SH3RF1: variants seen among roughly 807,000 people sequenced by gnomAD.
The protein encoded by SH3RF1 is SH3 domain containing ring finger 1.
A neutral mutation model predicts 74.0 loss-of-function variants in SH3RF1; 32 were observed. The ratio of observed to expected loss-of-function variants is 0.43; its 90% CI spans 0.33 to 0.58. The LOEUF (loss-of-function observed/expected upper bound fraction) is 0.58, where lower values mean the gene tolerates loss of function less well. Ranked by LOEUF, SH3RF1 falls within the 20% of genes least tolerant of loss-of-function variation. The pLI is 0.05. For missense variants in SH3RF1, 954 were observed against 1,130.9 expected, an observed-to-expected ratio of 0.84 and a Z score of 2.24; for synonymous variants, 396 against 439.6, an observed-to-expected ratio of 0.90 and a Z score of 1.24.
At chr4:169,240,514 T>C (rs1442952643) in intron 2 of SH3RF1, among the ~76,000 whole-genome samples, 1 of 152,146 alleles carries the variant, frequency 6.6e-6, no homozygotes, top group African/African-American at 2.4e-5. Flanking sequence ...CACTTAATTA[T>C]TTAAGAAAGC....
intron 4 of SH3RF1, among the ~76,000 whole-genome samples, chr4:169,146,962 G>C (rs1214485747): frequency 1.3e-5 from 2 of 152,152 alleles, no homozygotes; most frequent in Non-Finnish European, 2.9e-5. Context: ...TCCCAACTGT[G>C]AACAGTGAAT....
At chr4:169,165,162 C>T (rs926285463) in intron 2 of SH3RF1, among the ~76,000 whole-genome samples, 4 of 152,152 alleles carry the variant, frequency 2.6e-5, no homozygotes, top group Admixed American at 6.5e-5. Context: ...CAAGTTTCTA[C>T]CTATTTGAAA....
chr4:169,200,462 T>A (rs1734890926), intron 2 of SH3RF1, among the ~76,000 whole-genome samples: 1 of 151,932 alleles, frequency 6.6e-6, no homozygotes, highest in African/African-American at 2.4e-5. Context: ...AAATAACCCA[T>A]GAGTCAAAGT....
At chr4:169,180,608 C>T (rs935119590) in intron 2 of SH3RF1, among the ~76,000 whole-genome samples, 1 of 152,124 alleles carries the variant, frequency 6.6e-6, no homozygotes, top group African/African-American at 2.4e-5. Context: ...GTTCCCCTAC[C>T]CGCTTGTTTT....
intron 2 of SH3RF1, among the ~76,000 whole-genome samples, chr4:169,191,747 T>C (rs1009996188): frequency 1.3e-5 from 2 of 151,962 alleles, no homozygotes; most frequent in African/African-American, 4.8e-5. Context: ...CAAATCCTTA[T>C]AGCCAACTGA....
At chr4:169,110,026 CAA>C (rs5863981) in intron 10 of SH3RF1, among the ~76,000 whole-genome samples, 26,296 of 107,222 alleles carry the variant, frequency 0.25, 2,518 homozygotes, top group South Asian at 0.29. Flanking sequence ...CAAAACAATA[CAA>C]AAAAAAAAAA....
At chr4:169,207,455 G>C (rs1162752381) in intron 2 of SH3RF1, among the ~76,000 whole-genome samples, 1 of 152,128 alleles carries the variant, frequency 6.6e-6, no homozygotes, top group African/African-American at 2.4e-5. Context: ...AAAGAGAAAT[G>C]AGATCTAATT....
chr4:169,143,197 G>T lies in SH3RF1; in HGVS notation c.766-6577C>A, dbSNP rs559076565. Among the ~76,000 whole-genome samples the T allele has an allele frequency of 7.2e-5, 11 of 152,308 alleles. 1 individual carries two copies. The East Asian group carries it at 1.9e-3, about 27-fold the overall frequency. ...TAATATGAGCCACACTTGGAATTTA[G>T]ATTTTTTGGTAGCCACATTTTAAAA... On this transcript the variant is annotated intron_variant, in intron 4 of 11. Transcript: ENST00000284637.
At chr4:169,204,103 A>C (rs1408376375) in intron 2 of SH3RF1, 1 of 152,208 alleles carries the variant, frequency 6.6e-6, no homozygotes, top group African/African-American at 2.4e-5. Flanking sequence ...AAAAGAACTC[A>C]AGGGTAAGTA....
At chr4:169,204,088 G>A (rs1350763248) in intron 2 of SH3RF1, 1 of 152,064 alleles carries the variant, frequency 6.6e-6, no homozygotes, top group Non-Finnish European at 1.5e-5. Context: ...TTTAAACTTT[G>A]AGGAAAAAGA....
intron 8 of SH3RF1, 95 bp from the exon 9 acceptor site, chr4:169,117,877 C>T (rs1733364429): frequency 1.4e-6 from 2 of 1,393,852 alleles, no homozygotes; most frequent in South Asian, 1.5e-5. Context: ...GAGCTTTAAA[C>T]ATAGAACATT....
intron 5 of SH3RF1, among the ~76,000 whole-genome samples, chr4:169,131,953 A>G (rs1452216360): frequency 6.6e-6 from 1 of 152,206 alleles, no homozygotes; most frequent in Non-Finnish European, 1.5e-5. Flanking sequence ...GGTGAATACC[A>G]AGTGTCCAAT....
Position 169,117,571 on chromosome 4 carries a change from T to C in SH3RF1, c.1729A>G (p.Met577Val), listed in dbSNP as rs762000567. The C allele has an allele frequency of 3.1e-6, 5 of 1,614,244 alleles. No homozygotes were observed. Among genetic ancestry groups the C allele is most frequent in the Non-Finnish European group, 4.2e-6 (5 of 1,180,038 alleles). The change falls in exon 9 of 12, where the codon ATG (methionine) becomes GTG (valine). Residue 577 changes from methionine to valine, a missense_variant. Coordinates refer to ENST00000284637, the MANE Select transcript of SH3RF1 (RefSeq NM_020870.4). ...TGGTTGACTGTCATTTGCCCCGTCA[T>C]GTGCAACAAGACCTTAGCCTGAGGA... ...TSPQAKVLLH[M>V]TGQMTVNQAR...
Position 169,136,743 on chromosome 4 carries a change from A to G in SH3RF1, c.766-123T>C, listed in dbSNP as rs200707312. On this transcript the variant is annotated intron_variant, in intron 4 of 11. Transcript: ENST00000284637. ...TCACTACTTTAAAGTTTGCCTATGC[A>G]GTGTCTGTTTTTCCCATGTGAGATA... is the stretch of plus-strand genomic sequence containing the variant. 4 of 968,162 alleles carry G rather than the reference A, an allele frequency of 4.1e-6. No homozygotes were observed. The East Asian group carries it at 1.2e-4, about 28-fold the overall frequency. The allele number at this position is 968,162 out of a possible 1,614,324, so 60.0% of individuals were successfully genotyped here. A position where few individuals can be genotyped will look rare whatever the true frequency, so the allele number is the denominator to read the frequency against.
At chr4:169,172,473 A>G (rs1734347057) in intron 2 of SH3RF1, among the ~76,000 whole-genome samples, 1 of 152,234 alleles carries the variant, frequency 6.6e-6, no homozygotes, top group South Asian at 2.1e-4. Flanking sequence ...TTAACTTTAT[A>G]TAATAGCATT....
At chr4:169,099,924 A>C (rs1482345781) in intron 11 of SH3RF1, among the ~76,000 whole-genome samples, 1 of 152,208 alleles carries the variant, frequency 6.6e-6, no homozygotes, top group East Asian at 1.9e-4. Flanking sequence ...TACCAGGTGC[A>C]GGAGTAATAG....
intron 2 of SH3RF1, among the ~76,000 whole-genome samples, chr4:169,189,239 C>A (rs559943203): frequency 6.6e-6 from 1 of 152,316 alleles, no homozygotes; most frequent in East Asian, 1.9e-4. Context: ...CACTTAAATT[C>A]AGAAAAAACT....
At chr4:169,226,698 T>C (rs569037805) in intron 2 of SH3RF1, among the ~76,000 whole-genome samples, 3 of 152,338 alleles carry the variant, frequency 2.0e-5, no homozygotes, top group African/African-American at 4.8e-5. Flanking sequence ...GAAACTATTG[T>C]AGATAATAAA....
Position 169,116,404 on chromosome 4 carries a change from G to A in SH3RF1, c.2004C>T (p.Ser668=), listed in dbSNP as rs151039671. Residue 668 remains serine, a synonymous_variant, in exon 10 of 12, where the codon AGC becomes AGT. Coordinates refer to ENST00000284637, the MANE Select transcript of SH3RF1 (RefSeq NM_020870.4). Reference sequence around the variant, plus strand: ...CAGCCTCCAGAGAAGCACTGGTGATGCTTGGGGAAGTCAGTGGAGCAGCTG... The same window carrying A: ...CAGCCTCCAGAGAAGCACTGGTGATACTTGGGGAAGTCAGTGGAGCAGCTG... ...CAAAAPLTSP[S]ITSASLEAEP... is the part of the protein sequence containing the mutation. 6.2e-7 allele frequency: 1 copy of A among 1,614,090 alleles called. No individual in the cohort carries two copies. Among genetic ancestry groups the A allele is most frequent in the African/African-American group, 1.3e-5 (1 of 74,934 alleles).
Sources: allele counts gnomAD v4.1 joint callset (sites outside exome capture counted in the v4.1 genomes callset), GRCh38; gene constraint gnomAD v4.1.1; transcripts MANE v1.5; gene names NCBI Gene and HGNC (gene_info 2026-07-23, HGNC 2026-07-21).